TMPRSS11A: variants seen among roughly 807,000 people sequenced by gnomAD.
The protein encoded by TMPRSS11A is transmembrane serine protease 11A, also known as transmembrane protease serine 11A.
Under a neutral mutation model 58.9 loss-of-function variants are expected in TMPRSS11A, and 53 were observed. The ratio of observed to expected loss-of-function variants is 0.90; its 90% CI spans 0.72 to 1.13. The LOEUF (loss-of-function observed/expected upper bound fraction) is 1.13, where lower values mean the gene tolerates loss of function less well. Ranked by LOEUF, TMPRSS11A falls within the 50% of genes most tolerant of loss-of-function variation. The probability of loss-of-function intolerance (pLI) is 0.00; values close to 1 mark genes in which losing one functional copy is unlikely to be tolerated. For synonymous variants in TMPRSS11A, 167 were observed against 169.8 expected (o/e 0.98, Z 0.13); for missense variants, 493 against 499.3 (o/e 0.99, Z 0.12).
chr4:67,923,053 TCA>T lies in TMPRSS11A; in HGVS notation c.521-129_521-128del, dbSNP rs1355219409. 16 of 768,632 alleles carry T rather than the reference TCA, an allele frequency of 2.1e-5. No homozygotes were observed. In the Admixed American group the frequency reaches 4.1e-4, roughly 20 times the overall value. 47.6% of individuals were successfully genotyped at this position (768,632 alleles called of 1,614,324 possible). On this transcript the variant is annotated intron_variant, in intron 6 of 9. Transcript: ENST00000508048. ...CTGCCCAGGACACTTACCCCACCTG[TCA>T]CTGGATTCATGGCCTCTTCTCTCTC...
In TMPRSS11A at chr4:67,911,460, G is replaced by A. The variant is rs763962810; in HGVS notation, c.1139C>T (p.Thr380Met). 33 of 1,612,822 alleles carry A rather than the reference G, an allele frequency of 2.0e-5. No homozygotes were observed. Among genetic ancestry groups the A allele is most frequent in the Middle Eastern group, 1.6e-4 (1 of 6,080 alleles). ...GPLVTRDLKD[T>M]WYLIGIVSWG... The stretch of plus-strand genomic sequence containing the variant: ...GCTTACAATTCCAATGAGATACCAC[G>A]TATCTTTCAGATCCCTTGTGACTAA... Residue 380 changes from threonine to methionine, a missense_variant, in exon 10 of 10, where the codon ACG becomes ATG. Coordinates refer to ENST00000508048, the MANE Select transcript of TMPRSS11A (RefSeq NM_001114387.2).
chr4:67,926,967 G>C (rs1720489859), intron 5 of TMPRSS11A, among the ~76,000 whole-genome samples: 1 of 152,164 alleles, frequency 6.6e-6, no homozygotes, highest in South Asian at 2.1e-4. Flanking sequence ...CTGCAGAGAG[G>C]AGCTTCTACC....
chr4:67,930,282 T>TA (rs753667292), intron 4 of TMPRSS11A, among the ~76,000 whole-genome samples: 3 of 152,158 alleles, frequency 2.0e-5, no homozygotes, highest in Non-Finnish European at 4.4e-5. Flanking sequence ...ATGACAGATA[T>TA]AAAAAATCAT....
chr4:67,929,569 C>G (rs996159987), intron 5 of TMPRSS11A, among the ~76,000 whole-genome samples: 1 of 152,116 alleles, frequency 6.6e-6, no homozygotes, highest in Non-Finnish European at 1.5e-5. Flanking sequence ...TGCTAAACCC[C>G]TAGTATTTTC....
chr4:67,941,106 A>G (rs923415979), intron 3 of TMPRSS11A, among the ~76,000 whole-genome samples: 2 of 152,222 alleles, frequency 1.3e-5, no homozygotes, highest in Non-Finnish European at 2.9e-5. Flanking sequence ...GGCGGATTAT[A>G]GCAATATCTA....
rs188537733 is a variant in TMPRSS11A at position 67,949,946 on chromosome 4, G to C, written c.12-3375C>G. On this transcript the variant is annotated intron_variant, in intron 1 of 9. Coordinates refer to ENST00000508048, the MANE Select transcript of TMPRSS11A (RefSeq NM_001114387.2). Reference sequence around the variant, plus strand: ...TCATATTTGAAAAAGAAATACACTTGGTAAATCCTTTTGGGATCTAACCTT... The same window carrying C: ...TCATATTTGAAAAAGAAATACACTTCGTAAATCCTTTTGGGATCTAACCTT... Among the ~76,000 whole-genome samples, 10 of 152,218 alleles carry C rather than the reference G, an allele frequency of 6.6e-5. No individual in the cohort carries two copies. The East Asian group carries it at 1.5e-3, about 24-fold the overall frequency.
At chr4:67,963,025 A>G (rs1040941029) in intron 1 of TMPRSS11A, among the ~76,000 whole-genome samples, 2 of 152,254 alleles carry the variant, frequency 1.3e-5, no homozygotes, top group Non-Finnish European at 2.9e-5. Context: ...AATTTTGTCA[A>G]TATTGCTGAA....
rs1027637564 is a variant in TMPRSS11A, at chr4:67,922,945, A to G, written c.521-19T>C. 5.0e-6 allele frequency: 8 copies of G among 1,612,294 alleles called. No individual in the cohort carries two copies. The highest frequency in any genetic ancestry group is 6.8e-6 in the Non-Finnish European group (8 of 1,178,644). On this transcript the variant is annotated intron_variant, in intron 6 of 9. Transcript: ENST00000508048. Reference sequence around the variant, plus strand: ...CCACAACCTGAAAAAAGATGAGATCATTAAGTTATAAGAAACATCTTGTAA... The same window carrying G: ...CCACAACCTGAAAAAAGATGAGATCGTTAAGTTATAAGAAACATCTTGTAA...
intron 3 of TMPRSS11A, among the ~76,000 whole-genome samples, chr4:67,942,425 T>C (rs1338265511): frequency 1.3e-5 from 2 of 152,230 alleles, no homozygotes; most frequent in African/African-American, 2.4e-5. Flanking sequence ...TGGTATTCTA[T>C]GAACCAGGAA....
intron 3 of TMPRSS11A, 60 bp downstream of exon 3, chr4:67,944,459 A>G (rs1458345236): frequency 9.6e-6 from 15 of 1,554,806 alleles, no homozygotes; most frequent in Non-Finnish European, 1.3e-5. Context: ...TGGAGAAATG[A>G]TCCACAAAAT....
chr4:67,914,133 T>C (rs568617561), intron 9 of TMPRSS11A, among the ~76,000 whole-genome samples: 1 of 152,374 alleles, frequency 6.6e-6, no homozygotes, highest in South Asian at 2.1e-4. Context: ...TTTTTGTCTT[T>C]TCTATAACAT....
At chr4:67,934,259 T>A (rs1483600040) in intron 3 of TMPRSS11A, among the ~76,000 whole-genome samples, 1 of 152,112 alleles carries the variant, frequency 6.6e-6, no homozygotes, top group Non-Finnish European at 1.5e-5. Context: ...AGAATTCTGA[T>A]AAAATGAATT....
At chr4:67,944,984 T>C (rs1720967996) in intron 2 of TMPRSS11A, among the ~76,000 whole-genome samples, 1 of 152,218 alleles carries the variant, frequency 6.6e-6, no homozygotes, top group African/African-American at 2.4e-5. Flanking sequence ...GTCCAAGTTT[T>C]AAATCCAGTC....
intron 7 of TMPRSS11A, 26 bp downstream of exon 7, chr4:67,922,729 G>A: frequency 1.3e-6 from 2 of 1,595,024 alleles, no homozygotes; most frequent in South Asian, 1.1e-5. Context: ...GCAGAAGTGG[G>A]TTCTAACTTA....
intron 7 of TMPRSS11A, 84 bp from the exon 8 acceptor site, chr4:67,919,316 G>T: frequency 8.0e-7 from 1 of 1,254,608 alleles, no homozygotes; most frequent in Non-Finnish European, 1.1e-6. Context: ...GCTAATATAA[G>T]AGAAATACAA....
chr4:67,946,496 T>C lies in TMPRSS11A; in HGVS notation c.87A>G (p.Thr29=). Residue 29 remains threonine, a synonymous_variant, in exon 2 of 10, where the codon ACA becomes ACG. Transcript: ENST00000508048. ...MIAVLIVLSL[T]VVAVTIGLLV... Reference sequence around the variant, plus strand: ...GGAGACCTATGGTCACTGCCACCACTGTCAGGGACAACACAATGAGAACGG... The same window carrying C: ...GGAGACCTATGGTCACTGCCACCACCGTCAGGGACAACACAATGAGAACGG... 6.2e-7 allele frequency: 1 copy of C among 1,612,106 alleles called. No homozygotes were observed. The highest frequency in any genetic ancestry group is 8.5e-7 in the Non-Finnish European group (1 of 1,179,104).
intron 8 of TMPRSS11A, among the ~76,000 whole-genome samples, chr4:67,918,385 C>G (rs554890234): frequency 6.8e-4 from 103 of 152,296 alleles, no homozygotes; most frequent in African/African-American, 2.4e-3. Flanking sequence ...TATCTCTACA[C>G]TATTCTTATT....
chr4:67,919,375 A>G (rs1180245388), intron 7 of TMPRSS11A, 143 bp from the exon 8 acceptor site: 3 of 702,178 alleles, frequency 4.3e-6, no homozygotes, highest in Non-Finnish European at 6.9e-6. Context: ...TCATTTAAAT[A>G]TAATCTATTG....
chr4:67,961,477 CTTTTCCTTTTTTTTTT>C (rs1721418047), intron 1 of TMPRSS11A, among the ~76,000 whole-genome samples: 4 of 2,318 alleles, frequency 1.7e-3, no homozygotes, highest in African/African-American at 3.5e-3. Context: ...CTTTCCTTTT[CTTTTCCTTTTTTTTTT>C]TTTTTTTTTT....
Sources: gnomAD v4.1 joint callset for allele counts (sites outside exome capture counted in the v4.1 genomes callset) on GRCh38, gnomAD v4.1.1 for gene constraint, MANE v1.5 for transcripts, NCBI Gene and HGNC (gene_info 2026-07-23, HGNC 2026-07-21) for gene names.